Variants in ACSM2A observed in about 807,000 individuals in gnomAD.
The protein encoded by ACSM2A is acyl-CoA synthetase medium chain family member 2A, also known as acyl-coenzyme A synthetase ACSM2A, mitochondrial.
ACSM2A carries 72 observed loss-of-function variants against 76.6 expected under a neutral mutation model. The observed-to-expected ratio is 0.94, with a 90% CI of 0.78 to 1.14. The LOEUF (loss-of-function observed/expected upper bound fraction) is 1.14, where lower values mean the gene tolerates loss of function less well. Ranked by LOEUF, ACSM2A falls within the 50% of genes most tolerant of loss-of-function variation. ACSM2A has a pLI of 0.00. For missense variants in ACSM2A, 684 were observed against 708.5 expected (o/e 0.97, Z 0.39); for synonymous variants, 249 against 255.9 (o/e 0.97, Z 0.26).
intron 12 of ACSM2A, 25 bp downstream of exon 12, chr16:20,480,946 G>C: frequency 1.2e-6 from 2 of 1,613,542 alleles, no homozygotes; most frequent in Non-Finnish European, 1.7e-6. Context: ...GTAGCCTGGG[G>C]GTGAACACAT....
At chr16:20,475,049 C>CCCT (rs879370782) in intron 6 of ACSM2A, among the ~76,000 whole-genome samples, 2,173 of 152,282 alleles carry the variant, frequency 0.014, 21 homozygotes, top group Middle Eastern at 0.061. Context: ...GGGGGGTGAT[C>CCCT]TACTCCTAGG....
chr16:20,456,462 G>A (rs112298752), intron 1 of ACSM2A, among the ~76,000 whole-genome samples: 52,040 of 145,976 alleles, frequency 0.36, 10,587 homozygotes, highest in East Asian at 0.78. Flanking sequence ...CTCTCAGACC[G>A]CCTTGGAATA....
intron 3 of ACSM2A, among the ~76,000 whole-genome samples, chr16:20,467,413 G>T (rs2013072409): frequency 6.6e-6 from 1 of 152,024 alleles, no homozygotes; most frequent in Admixed American, 6.6e-5. Context: ...TCCTCTGTTT[G>T]GATGGTCATA....
chr16:20,473,534 T>G (rs1457113116), intron 6 of ACSM2A, among the ~76,000 whole-genome samples: 1 of 152,134 alleles, frequency 6.6e-6, no homozygotes, highest in African/African-American at 2.4e-5. Context: ...CAAGCACACT[T>G]GAAGGAAATT....
chr16:20,462,668 T>C (rs1828659833), intron 2 of ACSM2A, among the ~76,000 whole-genome samples: 1 of 152,172 alleles, frequency 6.6e-6, no homozygotes, highest in Non-Finnish European at 1.5e-5. Context: ...TCAGGGGATA[T>C]GCGAAGGGTC....
Position 20,471,635 on chromosome 16 carries a change from A to G in ACSM2A, c.840A>G (p.Gly280=). Residue 280 remains glycine, a synonymous_variant, in exon 6 of 14, where the codon GGA becomes GGG. Coordinates refer to ENST00000573854, the MANE Select transcript of ACSM2A (RefSeq NM_001308172.2). ...CACTTATGGAACCTTGGGCATTAGG[A>G]GCATGCACATTTGTTCATCTCTTGC... ...LCSLMEPWAL[G]ACTFVHLLPK... is the part of the protein sequence containing the mutation. 1 of 1,614,080 alleles carries G rather than the reference A, an allele frequency of 6.2e-7. No individual in the cohort carries two copies. The highest frequency in any genetic ancestry group is 8.5e-7 in the Non-Finnish European group (1 of 1,179,932).
chr16:20,478,410 AGAGATCT>A (rs1238966281), intron 9 of ACSM2A, among the ~76,000 whole-genome samples, 159 bp from the exon 10 acceptor site: 1 of 152,228 alleles, frequency 6.6e-6, no homozygotes, highest in Admixed American at 6.5e-5. Flanking sequence ...CAGATAGATC[AGAGATCT>A]GAGTTTAAGA....
chr16:20,482,419 A>T (rs2014139519), intron 12 of ACSM2A: 1 of 152,186 alleles, frequency 6.6e-6, no homozygotes, highest in Admixed American at 6.5e-5. Flanking sequence ...ATAGGCTCAG[A>T]TGGGGTCTAG....
In ACSM2A at chr16:20,471,589, G is replaced by A. The variant is rs200963964; in HGVS notation, c.794G>A (p.Trp265Ter). Residue 265 changes from tryptophan (W) to a stop codon, truncating the protein, a stop_gained, in exon 6 of 14, where the codon TGG (tryptophan) becomes TAG (stop). Transcript: ENST00000573854. LOFTEE classifies it high-confidence loss of function. ...ATGTGGACCATATCAGACACAGGTT[G>A]GATACTGAACATCTTGTGCTCACTT... ...DIMWTISDTG[W>*]ILNILCSLME... The A allele has an allele frequency of 6.8e-6, 11 of 1,614,014 alleles. No individual in the cohort carries two copies. The highest frequency in any genetic ancestry group is 1.3e-5 in the African/African-American group (1 of 75,024).
At chr16:20,468,122 A>G (rs1202821024) in intron 3 of ACSM2A, among the ~76,000 whole-genome samples, 1 of 152,154 alleles carries the variant, frequency 6.6e-6, no homozygotes, top group African/African-American at 2.4e-5. Flanking sequence ...GAAAGGTGAC[A>G]TACTGAAATT....
chr16:20,469,391 T>C, intron 3 of ACSM2A, 121 bp from the exon 4 acceptor site: 1 of 1,507,950 alleles, frequency 6.6e-7, no homozygotes, highest in Non-Finnish European at 8.9e-7. Context: ...ACACTCTCTA[T>C]TGGTCATTAC....
At chr16:20,458,904 G>GTATATATATATATATATATATATGTGTA in intron 1 of ACSM2A, among the ~76,000 whole-genome samples, 1 of 27,388 alleles carries the variant, frequency 3.7e-5, no homozygotes, top group South Asian at 1.9e-3. Context: ...ATATATATAT[G>GTATATATATATATATATATATATGTGTA]CATATATATA....
At chr16:20,475,058 G>A (rs955151924) in intron 6 of ACSM2A, among the ~76,000 whole-genome samples, 1 of 151,262 alleles carries the variant, frequency 6.6e-6, no homozygotes. Flanking sequence ...TCTACTCCTA[G>A]GGGTGTGTTA....
Position 20,486,584 on chromosome 16 carries a change from T to A in ACSM2A, c.1640T>A (p.Val547Asp). 6.2e-7 allele frequency: 1 copy of A among 1,614,148 alleles called. No individual in the cohort carries two copies. The highest frequency in any genetic ancestry group is 8.5e-7 in the Non-Finnish European group (1 of 1,179,996). Residue 547 changes from valine (V) to aspartate (D), a missense_variant, in exon 14 of 14, where the codon GTC (valine) becomes GAC (aspartate). By Grantham distance (152) the Val-to-Asp change is radical. Around this residue, in one of 3 missense-constraint regions of ACSM2A, gnomAD observed 159 missense variants for 132.5 expected, o/e 1.20. Coordinates refer to ENST00000573854, the MANE Select transcript of ACSM2A (RefSeq NM_001308172.2). ...TTTGTTTTTCAACAGATAGAGTTTG[T>A]CTTGAACCTGCCCAAGACTGTCACA... Reference protein sequence around the residue: ...PYKYPRKIEFVLNLPKTVTGK... With the variant: ...PYKYPRKIEFDLNLPKTVTGK...
intron 3 of ACSM2A, among the ~76,000 whole-genome samples, chr16:20,467,179 G>A (rs1024388471): frequency 6.6e-6 from 1 of 152,178 alleles, no homozygotes; most frequent in Non-Finnish European, 1.5e-5. Context: ...AACCTAAAAG[G>A]ATATCTATGT....
At chr16:20,458,476 A>G (rs1001734757) in intron 1 of ACSM2A, among the ~76,000 whole-genome samples, 10 of 145,668 alleles carry the variant, frequency 6.9e-5, no homozygotes, top group African/African-American at 2.5e-4. Context: ...GATATAGTAT[A>G]TGTATTATTA....
chr16:20,471,244 G>T (rs764905734), intron 5 of ACSM2A, 28 bp downstream of exon 5: 1 of 1,602,406 alleles, frequency 6.2e-7, no homozygotes, highest in Admixed American at 1.7e-5. Context: ...TCTCTACAGA[G>T]AATTACATGA....
Position 20,480,908 on chromosome 16 carries a change from C to G in ACSM2A, c.1496C>G (p.Pro499Arg). 1 of 1,613,858 alleles carries G rather than the reference C, an allele frequency of 6.2e-7. No individual in the cohort carries two copies. Among genetic ancestry groups the G allele is most frequent in the Non-Finnish European group, 8.5e-7 (1 of 1,179,852 alleles). Residue 499 changes from proline to arginine, a missense_variant, in exon 12 of 14, where the codon CCC (proline) becomes CGC (arginine). By Grantham distance (103) the Pro-to-Arg change is moderately radical. This residue lies in a region of ACSM2A where 159 missense variants were observed against 132.5 expected (regional missense o/e 1.20). Transcript: ENST00000573854. ...ACGGCTGTGATCAGCAGCCCAGACC[C>G]CGTCCGAGGAGAGGTGATGGGGAAG... Reference protein sequence around the residue: ...VETAVISSPDPVRGEVVKAFV... With the variant: ...VETAVISSPDRVRGEVVKAFV...
chr16:20,454,945 T>A (rs1176407022), intron 1 of ACSM2A, among the ~76,000 whole-genome samples: 1 of 148,750 alleles, frequency 6.7e-6, no homozygotes, highest in African/African-American at 2.5e-5. Flanking sequence ...TTCAGTGAAA[T>A]AGATAGCATA....
Sources: gnomAD v4.1 joint callset for allele counts (sites outside exome capture counted in the v4.1 genomes callset) on GRCh38, gnomAD v4.1.1 for gene constraint, gnomAD v4.1.1 regional missense constraint, MANE v1.5 for transcripts, NCBI Gene and HGNC (gene_info 2026-07-23, HGNC 2026-07-21) for gene names.